The following GLIS3 variants were observed in gnomAD, a reference collection of about 807,000 sequenced individuals.
GLIS3 encodes the protein GLIS family zinc finger 3, also known as zinc finger protein GLIS3.
Under a neutral mutation model 78.6 loss-of-function variants are expected in GLIS3, and 53 were observed. That is an observed-to-expected ratio of 0.67 (90% CI 0.54 to 0.85). The LOEUF (loss-of-function observed/expected upper bound fraction) is 0.85, where lower values mean the gene tolerates loss of function less well. GLIS3 is among the 40% of genes least tolerant of loss of function. The pLI is 0.00. For missense variants in GLIS3, 1,703 were observed against 1,231.1 expected, an observed-to-expected ratio of 1.38 and a Z score of -5.74; for synonymous variants, 684 against 509.9, an observed-to-expected ratio of 1.34 and a Z score of -4.60.
rs539404944 is a variant in GLIS3, at chr9:4,059,860, G to A, written c.1710+57908C>T. 2.7e-5 allele frequency among the ~76,000 whole-genome samples: 4 copies of A among 150,712 alleles called. No homozygotes were observed. In the East Asian group the frequency reaches 5.9e-4, roughly 22 times the overall value. On this transcript the variant is annotated intron_variant, in intron 4 of 10. Coordinates refer to ENST00000381971, the MANE Select transcript of GLIS3 (RefSeq NM_001042413.2). ...AGAGAGAGAGAGAGAGAGAGAGAGAGAGAGAGAAAGAGAGAGACTGGCTCT... is the reference window on the plus strand; with the variant it reads ...AGAGAGAGAGAGAGAGAGAGAGAGAAAGAGAGAAAGAGAGAGACTGGCTCT...
chr9:4,006,564 C>T (rs937503844), intron 4 of GLIS3, among the ~76,000 whole-genome samples: 10 of 152,052 alleles, frequency 6.6e-5, no homozygotes, highest in African/African-American at 1.4e-4. Context: ...TGTTCCTTGA[C>T]GACCAAACAC....
intron 2 of GLIS3, among the ~76,000 whole-genome samples, chr9:4,252,832 T>G (rs1479362336): frequency 6.6e-6 from 1 of 152,210 alleles, no homozygotes; most frequent in Non-Finnish European, 1.5e-5. Context: ...ATGCTATTCC[T>G]TTCTGTTTGT....
At chr9:4,073,504 T>C (rs963151528) in intron 4 of GLIS3, among the ~76,000 whole-genome samples, 6 of 152,170 alleles carry the variant, frequency 3.9e-5, no homozygotes, top group African/African-American at 1.2e-4. Flanking sequence ...CTTAGAGAGC[T>C]GGTAGACAGA....
At chr9:4,316,574 G>T (rs944883769) in intron 2 of GLIS3, among the ~76,000 whole-genome samples, 2 of 152,094 alleles carry the variant, frequency 1.3e-5, no homozygotes, top group African/African-American at 2.4e-5. Context: ...TGGGTACTCC[G>T]GTTTCCACCC....
chr9:4,213,017 G>A (rs959416306), intron 2 of GLIS3, among the ~76,000 whole-genome samples: 1 of 152,072 alleles, frequency 6.6e-6, no homozygotes, highest in Non-Finnish European at 1.5e-5. Flanking sequence ...ATTGTGACCT[G>A]GGCTGGAGAA....
intron 1 of GLIS3, among the ~76,000 whole-genome samples, chr9:4,296,419 C>A (rs1816511995): frequency 6.6e-6 from 1 of 152,134 alleles, no homozygotes; most frequent in African/African-American, 2.4e-5. Flanking sequence ...TTAACCTCTC[C>A]TACCCAGGCT....
chr9:3,978,872 TA>T (rs1007144665), intron 4 of GLIS3, among the ~76,000 whole-genome samples: 17 of 152,138 alleles, frequency 1.1e-4, no homozygotes, highest in African/African-American at 3.4e-4. Context: ...AGATTAGAAA[TA>T]TTTTTTAAAA....
the GLIS3 span, among the ~76,000 whole-genome samples, chr9:4,486,342 C>T: frequency 1.3e-5 from 2 of 152,210 alleles, no homozygotes; most frequent in African/African-American, 2.4e-5. Context: ...CTTCCCCTCC[C>T]TGTAAGACCA....
At chr9:4,274,210 T>C (rs1216864571) in intron 2 of GLIS3, among the ~76,000 whole-genome samples, 6 of 152,154 alleles carry the variant, frequency 3.9e-5, no homozygotes, top group Non-Finnish European at 4.4e-5. Flanking sequence ...CAGCAATGCT[T>C]CTCGAATGTC....
the GLIS3 span, among the ~76,000 whole-genome samples, chr9:4,453,724 C>T: frequency 6.6e-6 from 1 of 152,138 alleles, no homozygotes; most frequent in East Asian, 1.9e-4. Flanking sequence ...TGGAAACCAT[C>T]ATTCTGAGCA....
intron 2 of GLIS3, among the ~76,000 whole-genome samples, chr9:4,173,941 C>G (rs552535836): frequency 2.8e-5 from 4 of 141,994 alleles, no homozygotes; most frequent in African/African-American, 6.3e-5. Context: ...CACGCACGCA[C>G]GCACACACGC....
the GLIS3 span, among the ~76,000 whole-genome samples, chr9:4,397,321 T>G: frequency 0.14 from 21,587 of 149,602 alleles, 1,740 homozygotes; most frequent in South Asian, 0.21. Flanking sequence ...CACCACACCC[T>G]GCCGTCAATC....
At chr9:3,887,454 C>G (rs1302735659) in intron 7 of GLIS3, among the ~76,000 whole-genome samples, 1 of 152,184 alleles carries the variant, frequency 6.6e-6, no homozygotes, top group Non-Finnish European at 1.5e-5. Context: ...CTTAAGCGTG[C>G]TGCTATTCTC....
the GLIS3 span, among the ~76,000 whole-genome samples, chr9:4,354,446 T>C: frequency 2.0e-5 from 3 of 152,198 alleles, no homozygotes; most frequent in East Asian, 1.9e-4. Flanking sequence ...TCTTTTGCTA[T>C]ATTTAACCAA....
At chr9:4,240,721 C>A (rs1245420700) in intron 2 of GLIS3, among the ~76,000 whole-genome samples, 2 of 152,078 alleles carry the variant, frequency 1.3e-5, no homozygotes, top group Non-Finnish European at 2.9e-5. Context: ...TTCATCAAAT[C>A]ACAGTAAAAC....
intron 6 of GLIS3, among the ~76,000 whole-genome samples, chr9:3,931,882 T>A (rs1361529815): frequency 6.6e-6 from 1 of 152,240 alleles, no homozygotes; most frequent in Non-Finnish European, 1.5e-5. Flanking sequence ...TAAAGAATGC[T>A]CTCTACTTGT....
chr9:4,328,540 G>C (rs1169970254), intron 2 of GLIS3, among the ~76,000 whole-genome samples: 1 of 152,202 alleles, frequency 6.6e-6, no homozygotes, highest in Non-Finnish European at 1.5e-5. Flanking sequence ...TCCATAAAGG[G>C]GAAATCTAGA....
intron 4 of GLIS3, among the ~76,000 whole-genome samples, chr9:4,080,954 G>C (rs1445073767): frequency 3.3e-5 from 5 of 152,158 alleles, no homozygotes; most frequent in African/African-American, 7.2e-5. Flanking sequence ...CACAGTCCTT[G>C]TCAACTTGCA....
chr9:3,889,371 G>A (rs1342645331), intron 7 of GLIS3, among the ~76,000 whole-genome samples: 1 of 152,268 alleles, frequency 6.6e-6, no homozygotes, highest in East Asian at 1.9e-4. Flanking sequence ...ATGAGTATTG[G>A]ATAGTACATG....
Sources: allele counts gnomAD v4.1 joint callset (sites outside exome capture counted in the v4.1 genomes callset), GRCh38; gene constraint gnomAD v4.1.1; transcripts MANE v1.5; gene names NCBI Gene and HGNC (gene_info 2026-07-23, HGNC 2026-07-21).